Variants in OR2L13 observed in about 807,000 individuals in gnomAD.
The protein encoded by OR2L13 is olfactory receptor 2L13.
A neutral mutation model predicts 15.3 loss-of-function variants in OR2L13; 14 were observed. The observed-to-expected ratio is 0.91, with a 90% CI of 0.60 to 1.43. The LOEUF (loss-of-function observed/expected upper bound fraction) is 1.43, where lower values mean the gene tolerates loss of function less well. OR2L13 is among the 40% of genes most tolerant of loss of function. The probability of loss-of-function intolerance (pLI) is 0.00; values close to 1 mark genes in which losing one functional copy is unlikely to be tolerated. For missense variants in OR2L13, 367 were observed against 387.9 expected (o/e 0.95, Z 0.45); for synonymous variants, 152 against 142.9 (o/e 1.06, Z -0.45).
chr1:248,029,652 G>T, the OR2L13 span, among the ~76,000 whole-genome samples: 3 of 152,166 alleles, frequency 2.0e-5, no homozygotes, highest in Non-Finnish European at 1.5e-5. Context: ...TACTTATGTG[G>T]TTTTATTAAA....
At chr1:248,093,971 A>T (rs1664661075), upstream of OR2L13, among the ~76,000 whole-genome samples, 1 of 152,204 alleles carries the variant, frequency 6.6e-6, no homozygotes, top group African/African-American at 2.4e-5. Flanking sequence ...TCAAAAATAC[A>T]GTTAGGATGA....
the OR2L13 span, among the ~76,000 whole-genome samples, chr1:248,052,908 T>C: frequency 6.6e-6 from 1 of 152,160 alleles, no homozygotes; most frequent in Non-Finnish European, 1.5e-5. Flanking sequence ...TACTAATTTT[T>C]TTGGCTTTGT....
chr1:248,009,201 A>G, the OR2L13 span, among the ~76,000 whole-genome samples: 7 of 151,792 alleles, frequency 4.6e-5, 1 homozygote, highest in Admixed American at 2.6e-4. Context: ...GGAGATAGAG[A>G]CTCAAAAAAT....
chr1:248,073,125 G>A, the OR2L13 span, among the ~76,000 whole-genome samples: 1 of 151,656 alleles, frequency 6.6e-6, no homozygotes, highest in East Asian at 1.9e-4. Context: ...CCCATTACTG[G>A]GTATATACCC....
chr1:248,046,919 A>G, the OR2L13 span: 2 of 152,184 alleles, frequency 1.3e-5, no homozygotes, highest in African/African-American at 2.4e-5. Flanking sequence ...TTTATTGATT[A>G]CAGGGAAGAA....
chr1:248,017,115 G>A, the OR2L13 span, among the ~76,000 whole-genome samples: 1 of 151,910 alleles, frequency 6.6e-6, no homozygotes, highest in Non-Finnish European at 1.5e-5. Flanking sequence ...TTCATCTTTT[G>A]TATGACATCA....
At chr1:248,065,374 CAT>C in the OR2L13 span, among the ~76,000 whole-genome samples, 31 of 151,880 alleles carry the variant, frequency 2.0e-4, no homozygotes, top group South Asian at 6.4e-3. Context: ...TGGAAAGGGA[CAT>C]GAGTATTCAT....
At chr1:248,026,787 G>A in the OR2L13 span, among the ~76,000 whole-genome samples, 1 of 152,172 alleles carries the variant, frequency 6.6e-6, no homozygotes, top group Non-Finnish European at 1.5e-5. Flanking sequence ...CAATACGCTT[G>A]TGATTTCCTA....
chr1:248,057,171 T>C, the OR2L13 span, among the ~76,000 whole-genome samples: 1 of 152,178 alleles, frequency 6.6e-6, no homozygotes, highest in African/African-American at 2.4e-5. Flanking sequence ...GATCTAGAGC[T>C]GAGTTCAAGT....
chr1:248,091,013 G>C (rs12033551), upstream of OR2L13, among the ~76,000 whole-genome samples: 18,849 of 151,932 alleles, frequency 0.12, 1,974 homozygotes, highest in African/African-American at 0.29. Flanking sequence ...TTGTGGTTTT[G>C]ATATGCATTT....
chr1:247,965,553 G>A, the OR2L13 span: 1 of 1,610,020 alleles, frequency 6.2e-7, no homozygotes, highest in Non-Finnish European at 8.5e-7. Flanking sequence ...ACACTCCAAT[G>A]TACTTTCTGC....
At chr1:248,032,737 T>C in the OR2L13 span, among the ~76,000 whole-genome samples, 1 of 152,210 alleles carries the variant, frequency 6.6e-6, no homozygotes, top group Non-Finnish European at 1.5e-5. Flanking sequence ...ATTACATTTT[T>C]TATTGATTTC....
At chr1:248,078,002 G>A in the OR2L13 span, among the ~76,000 whole-genome samples, 1 of 152,038 alleles carries the variant, frequency 6.6e-6, no homozygotes, top group Admixed American at 6.6e-5. Flanking sequence ...TTATCAAATA[G>A]GATAAACACC....
At chr1:247,993,758 AGGGG>A in the OR2L13 span, among the ~76,000 whole-genome samples, 1,057 of 71,204 alleles carry the variant, frequency 0.015, 29 homozygotes, top group African/African-American at 0.046. Context: ...AGACAGAGAG[AGGGG>A]GAGAGAGAGA....
the OR2L13 span, among the ~76,000 whole-genome samples, chr1:248,071,868 C>A: frequency 5.6e-4 from 85 of 151,162 alleles, no homozygotes; most frequent in African/African-American, 1.9e-3. Flanking sequence ...GAGTGAACTC[C>A]CATTCACAAT....
the OR2L13 span, among the ~76,000 whole-genome samples, chr1:248,077,920 T>A: frequency 6.6e-6 from 1 of 152,094 alleles, no homozygotes; most frequent in East Asian, 1.9e-4. Flanking sequence ...CAAAGGCCTA[T>A]TCTCTAGAAT....
At chr1:247,965,805 C>G in the OR2L13 span, 2 of 1,608,394 alleles carry the variant, frequency 1.2e-6, no homozygotes, top group Non-Finnish European at 1.7e-6. Flanking sequence ...TCTGCTGCCT[C>G]ATGGTTGCAT....
the OR2L13 span, among the ~76,000 whole-genome samples, chr1:247,977,394 A>G: frequency 2.6e-5 from 4 of 152,190 alleles, no homozygotes; most frequent in Admixed American, 1.3e-4. Context: ...AACATATTTT[A>G]CTACATATAT....
At chr1:247,981,982 A>C in the OR2L13 span, among the ~76,000 whole-genome samples, 1 of 151,826 alleles carries the variant, frequency 6.6e-6, no homozygotes, top group Non-Finnish European at 1.5e-5. Context: ...CGCCCGGCTA[A>C]TGTTTTGTAT....
Sources: allele counts gnomAD v4.1 joint callset (sites outside exome capture counted in the v4.1 genomes callset), GRCh38; gene constraint gnomAD v4.1.1; transcripts MANE v1.5; gene names NCBI Gene and HGNC (gene_info 2026-07-23, HGNC 2026-07-21).